The following COQ3 variants were observed in gnomAD, a reference collection of about 807,000 sequenced individuals.
The protein encoded by COQ3 is coenzyme Q3, methyltransferase.
Under a neutral mutation model 33.1 loss-of-function variants are expected in COQ3, and 29 were observed. The observed-to-expected ratio is 0.88, with a 90% CI of 0.65 to 1.19. The LOEUF (loss-of-function observed/expected upper bound fraction) is 1.19, where lower values mean the gene tolerates loss of function less well. Among genes scored for constraint, COQ3 ranks in the 50% most tolerant of loss-of-function variants. The pLI is 0.00. For missense variants in COQ3, 437 were observed against 430.7 expected (o/e 1.01, Z -0.13); for synonymous variants, 173 against 157.8 (o/e 1.10, Z -0.72).
At position 99,377,462 on chromosome 6, in the gene COQ3, G is replaced by C; in HGVS notation, c.410C>G (p.Pro137Arg). The change falls in exon 4 of 7, where the codon CCT becomes CGT. Residue 137 changes from proline to arginine, a missense_variant. Pro to Arg is a moderately radical substitution (Grantham distance 103). Transcript: ENST00000254759. Reference sequence around the variant, plus strand: ...CAAAGGTTTTCCTGGCTGGTGATTAGGAATTGTTTTCAGAAGATTGTCCCT... The same window carrying C: ...CAAAGGTTTTCCTGGCTGGTGATTACGAATTGTTTTCAGAAGATTGTCCCT... ...FIRDNLLKTIPNHQPGKPLLG... is the reference protein window; with the variant it reads ...FIRDNLLKTIRNHQPGKPLLG... 1 of 1,611,582 alleles carries C rather than the reference G, an allele frequency of 6.2e-7. No individual in the cohort carries two copies. Among genetic ancestry groups the C allele is most frequent in the Non-Finnish European group, 8.5e-7 (1 of 1,178,876 alleles).
At chr6:99,377,269 C>A in intron 4 of COQ3, 117 bp downstream of exon 4, 1 of 856,622 alleles carries the variant, frequency 1.2e-6, no homozygotes. Context: ...CCTGGCCTCC[C>A]AACATGCATT....
At chr6:99,370,433 C>T (rs1217961666) in intron 6 of COQ3, among the ~76,000 whole-genome samples, 2 of 147,262 alleles carry the variant, frequency 1.4e-5, no homozygotes, top group Non-Finnish European at 3.0e-5. Flanking sequence ...ACTGCAACCT[C>T]CATCTCCTGA....
chr6:99,377,907 G>A (rs1774341014), intron 3 of COQ3, among the ~76,000 whole-genome samples: 1 of 151,538 alleles, frequency 6.6e-6, no homozygotes, highest in African/African-American at 2.4e-5. Flanking sequence ...TTCAGAATTT[G>A]TCTATATTCC....
At chr6:99,381,925 C>CAAA (rs57680059) in intron 2 of COQ3, among the ~76,000 whole-genome samples, 7 of 121,710 alleles carry the variant, frequency 5.8e-5, no homozygotes, top group East Asian at 2.2e-4. Context: ...GACTCTGTCT[C>CAAA]AAAAAAAAAA....
Position 99,375,844 on chromosome 6 carries a change from C to A in COQ3, c.729+96G>T. On this transcript the variant is annotated intron_variant, in intron 5 of 6. Transcript: ENST00000254759. ...TTTCTTCTCTACTATACCTTGCCTG[C>A]TGGACTGCTAATGCATTATGGACCA... is the stretch of plus-strand genomic sequence containing the variant. 2 of 1,324,854 alleles carry A rather than the reference C, an allele frequency of 1.5e-6. 1 individual carries two copies. The highest frequency in any genetic ancestry group is 2.6e-5 in the South Asian group (2 of 76,690). The allele number at this position is 1,324,854 out of a possible 1,614,324, so 82.1% of individuals were successfully genotyped here. A position where few individuals can be genotyped will look rare whatever the true frequency, so the allele number is the denominator to read the frequency against.
chr6:99,372,296 T>C (rs966352797), intron 5 of COQ3, among the ~76,000 whole-genome samples: 2 of 151,964 alleles, frequency 1.3e-5, no homozygotes, highest in Non-Finnish European at 2.9e-5. Context: ...TCCCAGCTAC[T>C]CAGGAGGCTG....
At chr6:99,389,556 T>C (rs903780397) in intron 1 of COQ3, among the ~76,000 whole-genome samples, 3 of 152,172 alleles carry the variant, frequency 2.0e-5, no homozygotes, top group African/African-American at 7.2e-5. Flanking sequence ...CTAGTTTCTC[T>C]CCCTATAAAC....
intron 1 of COQ3, among the ~76,000 whole-genome samples, chr6:99,391,844 T>A (rs1055269320): frequency 6.6e-6 from 1 of 151,888 alleles, no homozygotes; most frequent in African/African-American, 2.4e-5. Flanking sequence ...ACTAAAAATA[T>A]AAAAATTAGC....
chr6:99,392,030 A>C (rs1303063260), intron 1 of COQ3, among the ~76,000 whole-genome samples: 6 of 152,142 alleles, frequency 3.9e-5, no homozygotes, highest in Non-Finnish European at 8.8e-5. Flanking sequence ...TAAAAAGTAA[A>C]AATAAAAACC....
chr6:99,385,153 T>C (rs1345218391), intron 1 of COQ3, among the ~76,000 whole-genome samples: 2 of 152,020 alleles, frequency 1.3e-5, no homozygotes, highest in Non-Finnish European at 2.9e-5. Context: ...TCAAAACACA[T>C]AAAGACTCAC....
Position 99,377,407 on chromosome 6 carries a change from A to G in COQ3, c.465T>C (p.Cys155=), listed in dbSNP as rs1774322818. The G allele has an allele frequency of 3.1e-6, 5 of 1,613,658 alleles. No homozygotes were observed. The highest frequency in any genetic ancestry group is 4.2e-6 in the Non-Finnish European group (5 of 1,179,694). Residue 155 remains cysteine, a synonymous_variant, in exon 4 of 7, where the codon TGT becomes TGC. Transcript: ENST00000254759. ...TTACTTCAGTTAACAGCCCACCACC[A>G]CAGCCAACGTCAAGAATCTTCATCC... The part of the protein sequence containing the change: ...LLGMKILDVG[C]GGGLLTEPLG...
rs1562202064 is a variant in COQ3, at chr6:99,374,135, A to AT, written c.729+1804_729+1805insA. Among the ~76,000 whole-genome samples the AT allele has an allele frequency of 5.3e-5, 8 of 150,090 alleles. No homozygotes were observed. The East Asian group carries it at 6.0e-4, about 11-fold the overall frequency. On this transcript the variant is annotated intron_variant, in intron 5 of 6. Coordinates refer to ENST00000254759, the MANE Select transcript of COQ3 (RefSeq NM_017421.4). ...AACTGACATTAGCAAAAAAAAAAAA[A>AT]AAAAAAAATTAATAAAATTTAACGA... is the stretch of plus-strand genomic sequence containing the variant.
intron 1 of COQ3, among the ~76,000 whole-genome samples, chr6:99,393,857 A>T (rs924117709): frequency 4.6e-5 from 7 of 152,198 alleles, no homozygotes; most frequent in African/African-American, 1.7e-4. Context: ...GCTTTTCCAG[A>T]CAGGACCACT....
At chr6:99,375,416 C>T (rs1022840692) in intron 5 of COQ3, among the ~76,000 whole-genome samples, 6 of 149,846 alleles carry the variant, frequency 4.0e-5, no homozygotes, top group African/African-American at 1.5e-4. Context: ...CAGGGTCTCA[C>T]TCTGTTGCCC....
At chr6:99,378,053 T>A (rs1009673269) in intron 3 of COQ3, among the ~76,000 whole-genome samples, 1 of 146,676 alleles carries the variant, frequency 6.8e-6, no homozygotes, top group African/African-American at 2.5e-5. Flanking sequence ...AACATATGTA[T>A]ACACACATAT....
Position 99,378,414 on chromosome 6 carries a change from A to G in COQ3, c.387-929T>C, listed in dbSNP as rs187500565. Among the ~76,000 whole-genome samples the G allele has an allele frequency of 1.7e-3, 263 of 152,116 alleles. 2 individuals carry two copies. Among genetic ancestry groups the G allele is most frequent in the Non-Finnish European group, 1.7e-3 (113 of 68,002 alleles). ...ATGACTCCTTTACATCATAATTTAG[A>G]TCATATCACTTTCCTTCGATGGGTT... On this transcript the variant is annotated intron_variant, in intron 3 of 6. Transcript: ENST00000254759.
chr6:99,382,151 G>A (rs1195689983), intron 2 of COQ3, among the ~76,000 whole-genome samples: 1 of 152,074 alleles, frequency 6.6e-6, no homozygotes, highest in Non-Finnish European at 1.5e-5. Context: ...ACAGTTCCTG[G>A]AACATGGTGC....
chr6:99,375,068 C>T (rs1368807147), intron 5 of COQ3, among the ~76,000 whole-genome samples: 1 of 150,800 alleles, frequency 6.6e-6, no homozygotes, highest in South Asian at 2.1e-4. Context: ...CTCCCGGGTT[C>T]AAGCAATTCT....
chr6:99,382,404 G>A (rs920620723), intron 2 of COQ3, among the ~76,000 whole-genome samples: 1 of 152,050 alleles, frequency 6.6e-6, no homozygotes, highest in Non-Finnish European at 1.5e-5. Context: ...TATTAAGTTT[G>A]TTTTTAGCCA....
Sources: gnomAD v4.1 joint callset for allele counts (sites outside exome capture counted in the v4.1 genomes callset) on GRCh38, gnomAD v4.1.1 for gene constraint, MANE v1.5 for transcripts, NCBI Gene and HGNC (gene_info 2026-07-23, HGNC 2026-07-21) for gene names.